Variants in EVI5 observed in about 807,000 individuals in gnomAD.
EVI5 encodes the protein ecotropic viral integration site 5.
EVI5 carries 73 observed loss-of-function variants against 112.0 expected under a neutral mutation model. That is an observed-to-expected ratio of 0.65 (90% CI 0.54 to 0.79). The LOEUF (loss-of-function observed/expected upper bound fraction) is 0.79. Among genes scored for constraint, EVI5 ranks in the 30% least tolerant of loss-of-function variants. EVI5 has a pLI of 0.00. For synonymous variants in EVI5, 305 were observed against 319.9 expected, an observed-to-expected ratio of 0.95 and a Z score of 0.50; for missense variants, 900 against 968.8, an observed-to-expected ratio of 0.93 and a Z score of 0.94.
chr1:92,779,804 A>C (rs527259485), intron 1 of EVI5, among the ~76,000 whole-genome samples: 1 of 152,336 alleles, frequency 6.6e-6, no homozygotes, highest in South Asian at 2.1e-4. Context: ...AGAATCACAG[A>C]AAGGCTCAGA....
At chr1:92,782,925 T>A (rs1375659996) in intron 1 of EVI5, among the ~76,000 whole-genome samples, 1 of 152,094 alleles carries the variant, frequency 6.6e-6, no homozygotes, top group Non-Finnish European at 1.5e-5. Context: ...GCTTTGGTGA[T>A]CCTCCCACCT....
At chr1:92,537,036 T>C (rs983130359) in intron 19 of EVI5, among the ~76,000 whole-genome samples, 2 of 152,186 alleles carry the variant, frequency 1.3e-5, no homozygotes, top group Non-Finnish European at 2.9e-5. Flanking sequence ...GGTTGCACTG[T>C]GCAGACAACT....
intron 10 of EVI5, among the ~76,000 whole-genome samples, chr1:92,669,478 G>A (rs559848842): frequency 2.2e-5 from 3 of 136,894 alleles, no homozygotes; most frequent in Non-Finnish European, 4.6e-5. Flanking sequence ...AATCCAGGAG[G>A]TGAAGGTTGC....
At chr1:92,682,742 A>G (rs1392720447) in intron 9 of EVI5, among the ~76,000 whole-genome samples, 1 of 151,964 alleles carries the variant, frequency 6.6e-6, no homozygotes, top group Non-Finnish European at 1.5e-5. Flanking sequence ...CTTCGTCTCA[A>G]AAAAAAAGAA....
At chr1:92,599,440 T>C (rs1018932570) in intron 18 of EVI5, among the ~76,000 whole-genome samples, 1 of 151,978 alleles carries the variant, frequency 6.6e-6, no homozygotes, top group Non-Finnish European at 1.5e-5. Context: ...TAACCTAAAA[T>C]ATATTACTTT....
At chr1:92,537,277 T>C (rs941179766) in intron 19 of EVI5, among the ~76,000 whole-genome samples, 7 of 152,226 alleles carry the variant, frequency 4.6e-5, no homozygotes. Context: ...CATATCAGAT[T>C]ATAAAAGCTC....
intron 18 of EVI5, among the ~76,000 whole-genome samples, chr1:92,582,408 A>T (rs1049197093): frequency 6.6e-6 from 1 of 152,222 alleles, no homozygotes; most frequent in African/African-American, 2.4e-5. Flanking sequence ...TGAGGGGCCT[A>T]CTTTACAAAG....
intron 1 of EVI5, among the ~76,000 whole-genome samples, chr1:92,764,763 G>T (rs1393396954): frequency 1.3e-5 from 2 of 152,138 alleles, no homozygotes; most frequent in Non-Finnish European, 2.9e-5. Flanking sequence ...TATAGTCATT[G>T]CTAGGTTATA....
chr1:92,540,803 G>A (rs1373923568), intron 19 of EVI5, among the ~76,000 whole-genome samples: 1 of 152,164 alleles, frequency 6.6e-6, no homozygotes, highest in African/African-American at 2.4e-5. Flanking sequence ...GCCAGGCACA[G>A]TGGCTCATGT....
At chr1:92,703,706 A>T in intron 3 of EVI5, 87 bp from the exon 4 acceptor site, 1 of 751,948 alleles carries the variant, frequency 1.3e-6, no homozygotes, top group Non-Finnish European at 2.1e-6. Context: ...GTTGGAATGA[A>T]GTAGAAGACA....
chr1:92,568,503 A>T (rs1472594760), intron 18 of EVI5, among the ~76,000 whole-genome samples: 1 of 152,182 alleles, frequency 6.6e-6, no homozygotes, highest in Non-Finnish European at 1.5e-5. Flanking sequence ...TGAGATTCCC[A>T]AAGGATTAAG....
At chr1:92,730,000 A>G (rs1212714861) in intron 2 of EVI5, among the ~76,000 whole-genome samples, 1 of 151,978 alleles carries the variant, frequency 6.6e-6, no homozygotes, top group African/African-American at 2.4e-5. Flanking sequence ...ATTAATGATC[A>G]TTTCAGTAGA....
chr1:92,766,139 T>A (rs946318140), intron 1 of EVI5, among the ~76,000 whole-genome samples: 21 of 137,258 alleles, frequency 1.5e-4, no homozygotes, highest in African/African-American at 5.9e-4. Flanking sequence ...TAATAATAAT[T>A]AATAAAATAT....
chr1:92,647,182 T>C (rs1246847034), intron 13 of EVI5: 1 of 161,500 alleles, frequency 6.2e-6, no homozygotes, highest in African/African-American at 2.4e-5. Flanking sequence ...GTCAGCAACA[T>C]CCTTCTCGTA....
chr1:92,737,080 G>A (rs1677563289), intron 1 of EVI5, among the ~76,000 whole-genome samples: 1 of 152,078 alleles, frequency 6.6e-6, no homozygotes. Flanking sequence ...AGATGATCAG[G>A]GAAATCCTGT....
At chr1:92,577,175 AAT>A (rs1325040971) in intron 18 of EVI5, among the ~76,000 whole-genome samples, 1 of 152,142 alleles carries the variant, frequency 6.6e-6, no homozygotes, top group African/African-American at 2.4e-5. Context: ...GCCCCAATAT[AAT>A]TCCCTTTAAG....
chr1:92,734,355 A>C (rs1283366176), intron 2 of EVI5, among the ~76,000 whole-genome samples: 1 of 152,246 alleles, frequency 6.6e-6, no homozygotes, highest in Non-Finnish European at 1.5e-5. Context: ...ATACCAAAGC[A>C]AAACACTTGC....
chr1:92,549,689 C>G (rs1226596587), intron 19 of EVI5, among the ~76,000 whole-genome samples: 2 of 152,064 alleles, frequency 1.3e-5, no homozygotes, highest in Non-Finnish European at 2.9e-5. Flanking sequence ...GTGGGCAAAG[C>G]ATATGAACAG....
intron 13 of EVI5, among the ~76,000 whole-genome samples, chr1:92,660,058 A>G (rs79460742): frequency 0.026 from 3,964 of 152,082 alleles, 129 homozygotes; most frequent in African/African-American, 0.074. Flanking sequence ...AGAATAATAG[A>G]CACTGGAGAC....
Sources: allele counts gnomAD v4.1 joint callset (sites outside exome capture counted in the v4.1 genomes callset), GRCh38; gene constraint gnomAD v4.1.1; transcripts MANE v1.5; gene names NCBI Gene and HGNC (gene_info 2026-07-23, HGNC 2026-07-21).